The following COL19A1 variants were observed in gnomAD, a reference collection of about 807,000 sequenced individuals.
COL19A1 encodes collagen type XIX alpha 1 chain, also known as collagen alpha-1(XIX) chain.
A neutral mutation model predicts 190.2 loss-of-function variants in COL19A1; 159 were observed. That is an observed-to-expected ratio of 0.84 (90% CI 0.73 to 0.95). COL19A1 has a LOEUF of 0.95. Ranked by LOEUF, COL19A1 falls within the 40% of genes least tolerant of loss-of-function variation. The probability of loss-of-function intolerance (pLI) is 0.00; values close to 1 mark genes in which losing one functional copy is unlikely to be tolerated. For synonymous variants in COL19A1, 509 were observed against 458.9 expected (o/e 1.11, Z -1.39); for missense variants, 1,418 against 1,431.9 (o/e 0.99, Z 0.16).
chr6:70,005,601 T>C (rs969239998), intron 11 of COL19A1, among the ~76,000 whole-genome samples: 2 of 152,114 alleles, frequency 1.3e-5, no homozygotes, highest in African/African-American at 2.4e-5. Context: ...GTATAGGGTG[T>C]CTAACAACCC....
At chr6:69,927,449 C>G (rs1324652462) in intron 4 of COL19A1, among the ~76,000 whole-genome samples, 1 of 152,130 alleles carries the variant, frequency 6.6e-6, no homozygotes, top group Non-Finnish European at 1.5e-5. Context: ...GCATGGTCTT[C>G]AGTTGGGACT....
intron 13 of COL19A1, 126 bp from the exon 14 acceptor site, chr6:70,035,778 A>T: frequency 1.4e-6 from 1 of 704,318 alleles, no homozygotes; most frequent in Admixed American, 2.8e-5. Flanking sequence ...TTTTATCAGG[A>T]TGAAGTTCTA....
chr6:70,083,693 C>G (rs576934033), intron 15 of COL19A1, among the ~76,000 whole-genome samples: 13 of 152,294 alleles, frequency 8.5e-5, no homozygotes, highest in African/African-American at 3.1e-4. Context: ...GAAATGTGCA[C>G]TTAGCCAGGT....
chr6:69,973,054 G>A (rs910581488), intron 11 of COL19A1, among the ~76,000 whole-genome samples: 1 of 152,136 alleles, frequency 6.6e-6, no homozygotes, highest in African/African-American at 2.4e-5. Flanking sequence ...ACATAAGAAA[G>A]AATAAATAGA....
intron 9 of COL19A1, among the ~76,000 whole-genome samples, chr6:69,942,593 C>A (rs1328996453): frequency 6.7e-6 from 1 of 148,586 alleles, no homozygotes; most frequent in Admixed American, 6.7e-5. Flanking sequence ...ACTTTTTAAA[C>A]TTCTACATAT....
intron 12 of COL19A1, among the ~76,000 whole-genome samples, chr6:70,029,768 C>A (rs1778933962): frequency 6.6e-6 from 1 of 152,162 alleles, no homozygotes; most frequent in Non-Finnish European, 1.5e-5. Context: ...TTCTCAATTG[C>A]ATTTTATCCT....
intron 11 of COL19A1, among the ~76,000 whole-genome samples, chr6:69,966,035 A>T (rs988258658): frequency 6.6e-6 from 1 of 152,230 alleles, no homozygotes; most frequent in Non-Finnish European, 1.5e-5. Flanking sequence ...GATAACAGTT[A>T]TCCCCATACT....
intron 1 of COL19A1, among the ~76,000 whole-genome samples, chr6:69,879,040 G>A (rs1398531010): frequency 6.6e-6 from 1 of 152,152 alleles, no homozygotes; most frequent in African/African-American, 2.4e-5. Context: ...CTTGGAGTTG[G>A]GGGAGAGGAA....
intron 16 of COL19A1, among the ~76,000 whole-genome samples, chr6:70,109,832 T>A (rs1322165453): frequency 2.6e-5 from 4 of 152,080 alleles, no homozygotes; most frequent in Non-Finnish European, 5.9e-5. Context: ...CACATCTAAG[T>A]CTTTTCTTTT....
At chr6:69,921,744 A>T (rs1288818905) in intron 4 of COL19A1, among the ~76,000 whole-genome samples, 1 of 127,132 alleles carries the variant, frequency 7.9e-6, no homozygotes, top group Non-Finnish European at 1.6e-5. Flanking sequence ...GTAGATTCGT[A>T]TATGTATATT....
rs549773626 is a variant in COL19A1 at position 70,129,004 on chromosome 6, C to G, written c.1342-1178C>G. 9.2e-5 allele frequency among the ~76,000 whole-genome samples: 14 copies of G among 152,214 alleles called. No homozygotes were observed. In the South Asian group the frequency reaches 2.9e-3, roughly 32 times the overall value. ...CCCAGATTGTAAAACTAACAGGAGGCTTTTAGAAAGATTTACATCTCAAAG... is the reference window on the plus strand; with the variant it reads ...CCCAGATTGTAAAACTAACAGGAGGGTTTTAGAAAGATTTACATCTCAAAG... On this transcript the variant is annotated intron_variant, in intron 17 of 50. Coordinates refer to ENST00000620364, the MANE Select transcript of COL19A1 (RefSeq NM_001858.6).
rs1786214143 is a variant in COL19A1 at position 70,140,981 on chromosome 6, G to A, written c.1474G>A (p.Gly492Arg). ...PGEPFTKGEKGDRGEPGVIGS... is the reference protein window; with the variant it reads ...PGEPFTKGEKRDRGEPGVIGS... Reference sequence around the variant, plus strand: ...AGAGCCTTTTACAAAAGGAGAAAAAGGAGATAGAGTAAGTAGATATTTTAT... The same window carrying A: ...AGAGCCTTTTACAAAAGGAGAAAAAAGAGATAGAGTAAGTAGATATTTTAT... The change falls in exon 20 of 51, where the codon GGA becomes AGA. Residue 492 changes from glycine to arginine, a missense_variant. By Grantham distance (125) the Gly-to-Arg change is moderately radical (BLOSUM62 -2). Coordinates refer to ENST00000620364, the MANE Select transcript of COL19A1 (RefSeq NM_001858.6). 6.2e-7 allele frequency: 1 copy of A among 1,609,480 alleles called. No homozygotes were observed. Among genetic ancestry groups the A allele is most frequent in the African/African-American group, 1.3e-5 (1 of 74,712 alleles).
chr6:70,031,796 C>G (rs567830575), intron 12 of COL19A1, among the ~76,000 whole-genome samples: 89 of 152,148 alleles, frequency 5.8e-4, no homozygotes, highest in Non-Finnish European at 6.9e-4. Flanking sequence ...TTTCTGACAC[C>G]CCCCTTGAAG....
chr6:70,174,153 T>C (rs1289668950), intron 41 of COL19A1, among the ~76,000 whole-genome samples: 1 of 152,118 alleles, frequency 6.6e-6, no homozygotes, highest in Non-Finnish European at 1.5e-5. Flanking sequence ...GAGAGCAAGG[T>C]AGGGTAAGAG....
chr6:70,160,140 GGTAATTTATAAAAGAAAGA>G (rs1334980748), intron 34 of COL19A1, among the ~76,000 whole-genome samples: 6 of 151,972 alleles, frequency 3.9e-5, no homozygotes. Context: ...CCTGAGACTG[GGTAATTTATAAAAGAAAGA>G]GGTTTAATTG....
At chr6:70,137,236 C>T (rs1463720304) in intron 18 of COL19A1, among the ~76,000 whole-genome samples, 1 of 152,000 alleles carries the variant, frequency 6.6e-6, no homozygotes, top group East Asian at 1.9e-4. Context: ...ACTCGTTTTG[C>T]TTCATATAAC....
intron 6 of COL19A1, 71 bp from the exon 7 acceptor site, chr6:69,932,712 C>T (rs1010538412): frequency 1.3e-6 from 1 of 772,132 alleles, no homozygotes; most frequent in Non-Finnish European, 2.2e-6. Context: ...GATTAAATTA[C>T]TGTAGTTCTT....
intron 16 of COL19A1, among the ~76,000 whole-genome samples, chr6:70,105,803 A>C (rs555897488): frequency 2.0e-3 from 311 of 152,264 alleles, no homozygotes; most frequent in Non-Finnish European, 3.4e-3. Flanking sequence ...ATCTTATGAA[A>C]ATGTGAAATG....
intron 9 of COL19A1, among the ~76,000 whole-genome samples, chr6:69,954,624 A>G (rs2150038499): frequency 2.0e-5 from 3 of 152,192 alleles, no homozygotes; most frequent in African/African-American, 7.2e-5. Context: ...AAGTGTGTGC[A>G]TCTCCAGAAT....
Sources: gnomAD v4.1 joint callset for allele counts (sites outside exome capture counted in the v4.1 genomes callset) on GRCh38, gnomAD v4.1.1 for gene constraint, MANE v1.5 for transcripts, NCBI Gene and HGNC (gene_info 2026-07-23, HGNC 2026-07-21) for gene names.